Variants in PDE11A observed in about 807,000 individuals in gnomAD.
PDE11A encodes phosphodiesterase 11A, also known as dual 3',5'-cyclic-AMP and -GMP phosphodiesterase 11A.
In PDE11A, 100 loss-of-function variants were observed where a neutral mutation model predicts 100.5. That is an observed-to-expected ratio of 1.00 (90% CI 0.85 to 1.18). The LOEUF is 1.18. PDE11A is among the 50% of genes most tolerant of loss of function. PDE11A has a pLI of 0.00. For synonymous variants in PDE11A, 381 were observed against 420.8 expected, an observed-to-expected ratio of 0.91 and a Z score of 1.16; for missense variants, 1,141 against 1,152.6, an observed-to-expected ratio of 0.99 and a Z score of 0.15.
intron 2 of PDE11A, among the ~76,000 whole-genome samples, chr2:178,009,420 C>T (rs2086249506): frequency 1.3e-5 from 2 of 152,154 alleles, no homozygotes; most frequent in East Asian, 1.9e-4. Context: ...CAGTATGGAA[C>T]TTAAATTATT....
intron 6 of PDE11A, among the ~76,000 whole-genome samples, chr2:177,836,682 T>C (rs780539593): frequency 2.8e-4 from 42 of 152,328 alleles, no homozygotes; most frequent in South Asian, 2.1e-4. Flanking sequence ...ACTGCCTTTA[T>C]GAGCTGTAAC....
chr2:177,908,568 A>T (rs2084826888), intron 2 of PDE11A, among the ~76,000 whole-genome samples: 1 of 152,176 alleles, frequency 6.6e-6, no homozygotes, highest in Non-Finnish European at 1.5e-5. Flanking sequence ...TCAGGTATGA[A>T]ATGTGAGGCA....
intron 15 of PDE11A, among the ~76,000 whole-genome samples, chr2:177,695,182 A>G (rs2081093755): frequency 6.6e-6 from 1 of 152,026 alleles, no homozygotes; most frequent in Admixed American, 6.6e-5. Flanking sequence ...AATTATTTTA[A>G]AAATATTTTA....
intron 2 of PDE11A, among the ~76,000 whole-genome samples, chr2:178,094,510 C>A (rs914417478): frequency 6.6e-6 from 1 of 152,068 alleles, no homozygotes; most frequent in African/African-American, 2.4e-5. Flanking sequence ...CCAGCCTGGG[C>A]AACAGAGTGA....
intron 5 of PDE11A, among the ~76,000 whole-genome samples, chr2:177,848,710 G>A (rs2083645127): frequency 6.6e-6 from 1 of 152,142 alleles, no homozygotes; most frequent in Admixed American, 6.6e-5. Context: ...GAGGGCCGGT[G>A]AGGTATATAT....
chr2:178,079,159 C>G (rs1439931318), intron 2 of PDE11A, among the ~76,000 whole-genome samples: 2 of 152,114 alleles, frequency 1.3e-5, no homozygotes, highest in Non-Finnish European at 2.9e-5. Context: ...TTTTCTTCAA[C>G]TTTTAAGTTC....
At chr2:177,905,308 T>C (rs538690723) in intron 2 of PDE11A, 121 bp from the exon 3 acceptor site, 1 of 616,616 alleles carries the variant, frequency 1.6e-6, no homozygotes, top group Non-Finnish European at 2.9e-6. Context: ...TCTATAGAGA[T>C]TGAATACAGA....
chr2:177,789,613 A>G (rs2082596074), intron 9 of PDE11A, among the ~76,000 whole-genome samples: 1 of 152,030 alleles, frequency 6.6e-6, no homozygotes, highest in Non-Finnish European at 1.5e-5. Flanking sequence ...CTGTTTGCAG[A>G]TGACATGATT....
Position 177,631,584 on chromosome 2 carries a change from T to C in PDE11A, c.2647-2022A>G, listed in dbSNP as rs1049962518. 8.7e-4 allele frequency among the ~76,000 whole-genome samples: 27 copies of C among 31,038 alleles called. 1 individual carries two copies. The highest frequency in any genetic ancestry group is 1.7e-3 in the East Asian group (1 of 580). 20.4% of individuals were successfully genotyped at this position (31,038 alleles called of 152,430 possible). Reference sequence around the variant, plus strand: ...ATATATATATACATGTATATATATATACACACACATATATATGTGTGTATA... The same window carrying C: ...ATATATATATACATGTATATATATACACACACACATATATATGTGTGTATA... On this transcript the variant is annotated intron_variant, in intron 19 of 19. Transcript: ENST00000286063.
At chr2:177,863,259 A>G (rs936523326) in intron 5 of PDE11A, among the ~76,000 whole-genome samples, 2 of 152,018 alleles carry the variant, frequency 1.3e-5, no homozygotes, top group Admixed American at 1.3e-4. Flanking sequence ...AAAGTCCTGG[A>G]CAATGCCTTG....
At chr2:177,895,113 CTTAAAA>C (rs2084589480) in intron 4 of PDE11A, among the ~76,000 whole-genome samples, 1 of 150,522 alleles carries the variant, frequency 6.6e-6, no homozygotes, top group Admixed American at 6.6e-5. Context: ...TATACTTGAA[CTTAAAA>C]TTAAAAAAAA....
At chr2:177,675,858 A>T (rs1440733714) in intron 16 of PDE11A, 9 of 399,190 alleles carry the variant, frequency 2.3e-5, no homozygotes, top group East Asian at 1.9e-4. Flanking sequence ...GGGTTTTTTT[A>T]AACTATAAGC....
intron 15 of PDE11A, among the ~76,000 whole-genome samples, chr2:177,684,220 TGTCTCTGA>T (rs2105510998): frequency 6.6e-6 from 1 of 152,274 alleles, no homozygotes; most frequent in South Asian, 2.1e-4. Flanking sequence ...TACTTTTAAA[TGTCTCTGA>T]GTTTAGCCAG....
rs546599159 is a variant in PDE11A, at chr2:177,841,387, C to T, written c.1368-1004G>A. 1.3e-5 allele frequency among the ~76,000 whole-genome samples: 2 copies of T among 150,654 alleles called. 1 individual carries two copies. Among genetic ancestry groups the T allele is most frequent in the South Asian group, 4.2e-4 (2 of 4,812 alleles). Reference sequence around the variant, plus strand: ...ATACTAGGGCAAGGTTTTCAAGCTGCCTTATGTGGAACCCTGGATTTCATG... The same window carrying T: ...ATACTAGGGCAAGGTTTTCAAGCTGTCTTATGTGGAACCCTGGATTTCATG... On this transcript the variant is annotated intron_variant, in intron 5 of 19. Coordinates refer to ENST00000286063, the MANE Select transcript of PDE11A (RefSeq NM_016953.4).
At chr2:177,948,110 TATAAC>T (rs1559019962) in intron 2 of PDE11A, among the ~76,000 whole-genome samples, 4 of 152,092 alleles carry the variant, frequency 2.6e-5, no homozygotes, top group Admixed American at 6.5e-5. Flanking sequence ...TTTCATTTAA[TATAAC>T]ATGAAAATCC....
At chr2:177,937,653 T>C (rs1385430239) in intron 2 of PDE11A, among the ~76,000 whole-genome samples, 1 of 152,152 alleles carries the variant, frequency 6.6e-6, no homozygotes, top group Non-Finnish European at 1.5e-5. Flanking sequence ...TCTTGTGAAA[T>C]CTACTTTCTA....
chr2:177,654,377 C>T (rs766679769), intron 19 of PDE11A, among the ~76,000 whole-genome samples: 14 of 152,044 alleles, frequency 9.2e-5, no homozygotes, highest in Non-Finnish European at 1.8e-4. Context: ...AAAAATTAGT[C>T]AGGTGTGGTG....
At chr2:177,754,469 T>G (rs542145867) in intron 10 of PDE11A, among the ~76,000 whole-genome samples, 9 of 152,258 alleles carry the variant, frequency 5.9e-5, no homozygotes, top group Non-Finnish European at 1.3e-4. Flanking sequence ...TTCCACATAC[T>G]TTGGTAGAAT....
chr2:178,032,827 A>C (rs374177064), intron 1 of PDE11A, among the ~76,000 whole-genome samples: 38 of 152,334 alleles, frequency 2.5e-4, no homozygotes, highest in South Asian at 1.2e-3. Flanking sequence ...TAGAAGAAAA[A>C]CTAACAAACA....
Sources: allele counts gnomAD v4.1 joint callset (sites outside exome capture counted in the v4.1 genomes callset), GRCh38; gene constraint gnomAD v4.1.1; transcripts MANE v1.5; gene names NCBI Gene and HGNC (gene_info 2026-07-23, HGNC 2026-07-21).